The following SLC6A11 variants were observed in gnomAD, a reference collection of about 807,000 sequenced individuals.
SLC6A11 encodes solute carrier family 6 member 11, also known as sodium- and chloride-dependent GABA transporter 3.
Under a neutral mutation model 74.8 loss-of-function variants are expected in SLC6A11, and 25 were observed. The ratio of observed to expected loss-of-function variants is 0.33; its 90% CI spans 0.24 to 0.47. The LOEUF (loss-of-function observed/expected upper bound fraction) is 0.47, where lower values mean the gene tolerates loss of function less well. Ranked by LOEUF, SLC6A11 falls within the 20% of genes least tolerant of loss-of-function variation. The pLI is 1.00. For synonymous variants in SLC6A11, 330 were observed against 330.2 expected, an observed-to-expected ratio of 1.00 and a Z score of 0.01; for missense variants, 574 against 837.0, an observed-to-expected ratio of 0.69 and a Z score of 3.88.
intron 5 of SLC6A11, among the ~76,000 whole-genome samples, chr3:10,864,363 CA>C (rs2106596695): frequency 6.6e-6 from 1 of 151,640 alleles, no homozygotes; most frequent in East Asian, 2.0e-4. Flanking sequence ...GTTTTCCTGT[CA>C]GTATCTGAGA....
intron 6 of SLC6A11, among the ~76,000 whole-genome samples, chr3:10,875,772 A>C (rs1610180): frequency 0.56 from 85,329 of 152,050 alleles, 25,841 homozygotes; most frequent in African/African-American, 0.77. Flanking sequence ...GTGCCCTGGA[A>C]TACGTTAAAC....
At chr3:10,845,849 G>A (rs989796338) in intron 5 of SLC6A11, among the ~76,000 whole-genome samples, 1 of 152,136 alleles carries the variant, frequency 6.6e-6, no homozygotes, top group Non-Finnish European at 1.5e-5. Flanking sequence ...ATAAAATTGT[G>A]TCATTATTGA....
rs554127561 is a variant in SLC6A11, at chr3:10,882,274, A to G, written c.891+7179A>G. Among the ~76,000 whole-genome samples the G allele has an allele frequency of 1.7e-3, 256 of 152,336 alleles. 1 individual carries two copies. Among genetic ancestry groups the G allele is most frequent in the African/African-American group, 6.1e-3 (252 of 41,576 alleles). On this transcript the variant is annotated intron_variant, in intron 6 of 13. Coordinates refer to ENST00000254488, the MANE Select transcript of SLC6A11 (RefSeq NM_014229.3). ...CAGAAGTGGGGAGAATAGCTTCTCC[A>G]CTGATCAAGAGAGAGAAGTGTGAAA...
intron 5 of SLC6A11, among the ~76,000 whole-genome samples, chr3:10,845,093 C>G (rs11719866): frequency 0.33 from 49,717 of 152,120 alleles, 8,400 homozygotes; most frequent in South Asian, 0.51. Flanking sequence ...AAGTCCAACT[C>G]ACTTCTGTGT....
chr3:10,901,720 C>A (rs990456844), intron 6 of SLC6A11, among the ~76,000 whole-genome samples: 1 of 152,194 alleles, frequency 6.6e-6, no homozygotes, highest in African/African-American at 2.4e-5. Context: ...AATCCCTCTC[C>A]CAGACTCCCC....
intron 4 of SLC6A11, among the ~76,000 whole-genome samples, chr3:10,835,409 A>G (rs540549070): frequency 2.2e-3 from 333 of 152,290 alleles, no homozygotes; most frequent in African/African-American, 7.6e-3. Flanking sequence ...GATTCTTCAC[A>G]GCTGCGGCAG....
intron 4 of SLC6A11, among the ~76,000 whole-genome samples, chr3:10,834,536 A>G (rs911121592): frequency 2.0e-5 from 3 of 151,968 alleles, no homozygotes; most frequent in Non-Finnish European, 4.4e-5. Flanking sequence ...TAGAGTCAGG[A>G]CCCGTCAGGA....
intron 6 of SLC6A11, among the ~76,000 whole-genome samples, chr3:10,888,197 G>T (rs923821887): frequency 6.6e-6 from 1 of 152,224 alleles, no homozygotes; most frequent in African/African-American, 2.4e-5. Flanking sequence ...TTCATCTCTC[G>T]TAAGCTTCTA....
intron 6 of SLC6A11, among the ~76,000 whole-genome samples, chr3:10,880,443 C>G (rs116797376): frequency 6.6e-6 from 1 of 152,242 alleles, no homozygotes; most frequent in Non-Finnish European, 1.5e-5. Context: ...CCAGCAGTTG[C>G]AGTATTCAGG....
chr3:10,928,933 C>T (rs1695646150), intron 9 of SLC6A11, among the ~76,000 whole-genome samples: 2 of 152,204 alleles, frequency 1.3e-5, no homozygotes, highest in Admixed American at 6.5e-5. Flanking sequence ...CTGGAGACAC[C>T]AGCTCAAGTC....
At chr3:10,877,775 G>A (rs1035786063) in intron 6 of SLC6A11, among the ~76,000 whole-genome samples, 13 of 152,320 alleles carry the variant, frequency 8.5e-5, no homozygotes, top group African/African-American at 1.7e-4. Flanking sequence ...AAATGGGCCC[G>A]ACTTTGGAGC....
chr3:10,816,408 A>T lies in SLC6A11; in HGVS notation c.143A>T (p.His48Leu). 6.3e-7 allele frequency: 1 copy of T among 1,591,782 alleles called. No homozygotes were observed. ...CGCGTCAAGCGCGACAAGGCGGTCCACGAGCGCGGCCACTGGAACAACAAG... is the reference window on the plus strand; with the variant it reads ...CGCGTCAAGCGCGACAAGGCGGTCCTCGAGCGCGGCCACTGGAACAACAAG... The part of the protein sequence containing the change: ...HPRVKRDKAV[H>L]ERGHWNNKVE... Residue 48 changes from histidine (H) to leucine (L), a missense_variant, in exon 1 of 14, where the codon CAC becomes CTC. Physicochemically the swap from His to Leu is moderately conservative, Grantham distance 99. This residue lies in a region of SLC6A11 where 86 missense variants were observed against 87.4 expected (regional missense o/e 0.98). Transcript: ENST00000254488. This position sits in a 1 kb window ranked among gnomAD's most constrained non-coding sequence, Gnocchi z 4.2.
intron 10 of SLC6A11, among the ~76,000 whole-genome samples, chr3:10,930,127 G>A (rs1219888721): frequency 6.6e-6 from 1 of 152,196 alleles, no homozygotes; most frequent in African/African-American, 2.4e-5. Context: ...ATTGAAGTCA[G>A]GCTAGAAAGC....
At chr3:10,883,868 A>G (rs1472413425) in intron 6 of SLC6A11, among the ~76,000 whole-genome samples, 1 of 152,128 alleles carries the variant, frequency 6.6e-6, no homozygotes, top group Non-Finnish European at 1.5e-5. Context: ...GGGGGCCACT[A>G]CTTGAGACTG....
At chr3:10,870,657 CTTTTACAGAGCCACTTT>C (rs1029328644) in intron 5 of SLC6A11, among the ~76,000 whole-genome samples, 2 of 152,190 alleles carry the variant, frequency 1.3e-5, no homozygotes, top group Non-Finnish European at 2.9e-5. Flanking sequence ...TTAGAAGTAG[CTTTTACAGAGCCACTTT>C]TTAAAGTGGC....
intron 6 of SLC6A11, among the ~76,000 whole-genome samples, chr3:10,905,078 G>A (rs1204450515): frequency 3.3e-5 from 5 of 152,238 alleles, no homozygotes; most frequent in African/African-American, 7.2e-5. Flanking sequence ...TTCCCCTTTC[G>A]TCAAATCATT....
intron 4 of SLC6A11, among the ~76,000 whole-genome samples, chr3:10,826,975 G>T (rs1324237777): frequency 6.6e-6 from 1 of 152,212 alleles, no homozygotes; most frequent in African/African-American, 2.4e-5. Context: ...TATTCAGATT[G>T]CATCTCTGTC....
chr3:10,846,733 C>T (rs771917032), intron 5 of SLC6A11, among the ~76,000 whole-genome samples: 2 of 152,150 alleles, frequency 1.3e-5, no homozygotes, highest in Non-Finnish European at 2.9e-5. Flanking sequence ...TTCCACTCCC[C>T]GGCAACTTGC....
At chr3:10,841,368 A>G (rs1441361765) in intron 4 of SLC6A11, among the ~76,000 whole-genome samples, 1 of 152,100 alleles carries the variant, frequency 6.6e-6, no homozygotes, top group Non-Finnish European at 1.5e-5. Context: ...CCCAGCCCCC[A>G]TCCTCTCAAA....
Sources: gnomAD v4.1 joint callset for allele counts (sites outside exome capture counted in the v4.1 genomes callset) on GRCh38, gnomAD v4.1.1 for gene constraint, gnomAD v4.1.1 regional missense constraint, Gnocchi (gnomAD v3.1) non-coding constraint, MANE v1.5 for transcripts, NCBI Gene and HGNC (gene_info 2026-07-23, HGNC 2026-07-21) for gene names.